KANK1: variants seen among roughly 807,000 people sequenced by gnomAD.
KANK1 encodes KN motif and ankyrin repeat domain-containing protein 1.
KANK1 carries 109 observed loss-of-function variants against 106.2 expected under a neutral mutation model. The ratio of observed to expected loss-of-function variants is 1.03; its 90% CI spans 0.88 to 1.20. The LOEUF (loss-of-function observed/expected upper bound fraction) is 1.20. Ranked by LOEUF, KANK1 falls within the 50% of genes most tolerant of loss-of-function variation. The pLI, the probability that KANK1 is intolerant of heterozygous loss-of-function variation, is 0.00. For missense variants in KANK1, 2,399 were observed against 1,710.7 expected, an observed-to-expected ratio of 1.40 and a Z score of -7.10; for synonymous variants, 873 against 652.2, an observed-to-expected ratio of 1.34 and a Z score of -5.16.
chr9:684,955 G>A lies in KANK1; in HGVS notation c.37+7946G>A, dbSNP rs1189447573. Among the ~76,000 whole-genome samples, 3 of 151,986 alleles carry A rather than the reference G, an allele frequency of 2.0e-5. No homozygotes were observed. The East Asian group carries it at 5.8e-4, about 29-fold the overall frequency. On this transcript the variant is annotated intron_variant, in intron 2 of 11. Transcript: ENST00000382297. ...TAGACTTCTCTAATAAAACCTTTAA[G>A]GAGACCCATCCAGGAAATCAGATTT...
chr9:677,880 A>G (rs1816716082), intron 2 of KANK1, among the ~76,000 whole-genome samples: 1 of 152,206 alleles, frequency 6.6e-6, no homozygotes, highest in Admixed American at 6.5e-5. Context: ...CTAACCGTGA[A>G]ATATTGGGCA....
At chr9:634,004 T>C (rs1265381880) in intron 1 of KANK1, among the ~76,000 whole-genome samples, 3 of 152,196 alleles carry the variant, frequency 2.0e-5, no homozygotes, top group African/African-American at 7.2e-5. Flanking sequence ...TTGCCTTACA[T>C]GGTAAGAAAG....
chr9:607,786 T>C (rs1204452859), intron 1 of KANK1, among the ~76,000 whole-genome samples: 3 of 151,670 alleles, frequency 2.0e-5, no homozygotes, highest in Non-Finnish European at 2.9e-5. Flanking sequence ...TAATATGGTG[T>C]GGTAACGATT....
At chr9:597,626 A>G (rs1826544803) in intron 1 of KANK1, among the ~76,000 whole-genome samples, 1 of 151,566 alleles carries the variant, frequency 6.6e-6, no homozygotes, top group Middle Eastern at 3.2e-3. Flanking sequence ...TGATTTGCAC[A>G]TAGTTTTTCT....
intron 2 of KANK1, chr9:706,845 G>C (rs1486371935): frequency 2.0e-6 from 2 of 985,358 alleles, no homozygotes; most frequent in Non-Finnish European, 2.4e-6. Flanking sequence ...CCGAGGGCTG[G>C]GCAGGAGGAC....
intron 2 of KANK1, among the ~76,000 whole-genome samples, chr9:702,179 G>A (rs923314628): frequency 1.3e-5 from 2 of 151,922 alleles, no homozygotes; most frequent in Non-Finnish European, 2.9e-5. Context: ...AGTTGGGAGC[G>A]AGAGGGAGGA....
At chr9:615,419 G>T (rs1054194308) in intron 1 of KANK1, among the ~76,000 whole-genome samples, 10 of 152,006 alleles carry the variant, frequency 6.6e-5, no homozygotes, top group African/African-American at 2.4e-4. Context: ...AGTATCACTG[G>T]GTGGGAGAAA....
At chr9:608,077 C>T (rs1269561251) in intron 1 of KANK1, among the ~76,000 whole-genome samples, 1 of 142,796 alleles carries the variant, frequency 7.0e-6, no homozygotes, top group Non-Finnish European at 1.5e-5. Flanking sequence ...GTCGCCCAGG[C>T]CGGACTGCGG....
chr9:578,410 A>C, intron 1 of KANK1, among the ~76,000 whole-genome samples: 1 of 152,028 alleles, frequency 6.6e-6, no homozygotes, highest in East Asian at 1.9e-4. Context: ...CATTGTTGAC[A>C]TGGACCACAG....
chr9:609,072 C>G lies in KANK1; in HGVS notation c.-83-67818C>G, dbSNP rs888303984. Among the ~76,000 whole-genome samples, 6 of 150,970 alleles carry G rather than the reference C, an allele frequency of 4.0e-5. 1 individual carries two copies. Among genetic ancestry groups the G allele is most frequent in the Admixed American group, 2.0e-4 (3 of 15,170 alleles). On this transcript the variant is annotated intron_variant, in intron 1 of 11. Transcript: ENST00000382297. ...TGAAAATCTTCATGTTCTCAGAACT[C>G]AAAGGGAAGAAGACTTGACCCCTAA...
chr9:690,133 C>CAAAAAAAAAAAAAAA (rs57837964), intron 2 of KANK1, among the ~76,000 whole-genome samples: 1 of 61,660 alleles, frequency 1.6e-5, no homozygotes, highest in Non-Finnish European at 2.7e-5. Flanking sequence ...TCTAAAAATA[C>CAAAAAAAAAAAAAAA]AAAAAAAAAA....
rs1403552470 is a variant in KANK1, at chr9:746,059, C to G, written c.*824C>G. The G allele has an allele frequency of 6.6e-6, 1 of 152,564 alleles. No individual in the cohort carries two copies. The highest frequency in any genetic ancestry group is 2.4e-5 in the African/African-American group (1 of 41,410). 9.5% of individuals were successfully genotyped at this position (152,564 alleles called of 1,614,324 possible). A position where few individuals can be genotyped will look rare whatever the true frequency, so the allele number is the denominator to read the frequency against. ...CTATGTATTTAAATGTTTGAAGTGC[C>G]TTAGACTCTTGCCATATTTTCAAAA... On this transcript the variant is annotated 3_prime_UTR_variant, in exon 12 of 12. Transcript: ENST00000382297.
chr9:731,119 G>A, intron 4 of KANK1, 39 bp from the exon 5 acceptor site: 1 of 1,086,442 alleles, frequency 9.2e-7, no homozygotes, highest in Non-Finnish European at 1.4e-6. Context: ...ACATGTATGG[G>A]TGTGAGTTTT....
intron 1 of KANK1, among the ~76,000 whole-genome samples, chr9:643,509 A>G (rs535809422): frequency 1.3e-5 from 2 of 148,844 alleles, no homozygotes; most frequent in South Asian, 4.2e-4. Flanking sequence ...GATTTTTAAC[A>G]TAAATAAACC....
intron 1 of KANK1, among the ~76,000 whole-genome samples, chr9:590,123 G>C (rs1824476301): frequency 6.6e-6 from 1 of 152,178 alleles, no homozygotes; most frequent in African/African-American, 2.4e-5. Flanking sequence ...CAGCTGTTGG[G>C]CTGTGCTCCT....
intron 1 of KANK1, among the ~76,000 whole-genome samples, chr9:586,640 T>A (rs1207654228): frequency 6.6e-6 from 1 of 151,958 alleles, no homozygotes; most frequent in Non-Finnish European, 1.5e-5. Flanking sequence ...TGATAGACAT[T>A]AAAAAATACA....
At chr9:668,239 G>A (rs1185302774) in intron 1 of KANK1, among the ~76,000 whole-genome samples, 1 of 152,118 alleles carries the variant, frequency 6.6e-6, no homozygotes, top group African/African-American at 2.4e-5. Context: ...GACCTATTTG[G>A]TCTGATGTGT....
chr9:628,418 C>A (rs1287726202), intron 1 of KANK1, among the ~76,000 whole-genome samples: 1 of 152,172 alleles, frequency 6.6e-6, no homozygotes, highest in African/African-American at 2.4e-5. Context: ...GGGGGGGTTC[C>A]TGTATTTATA....
At chr9:702,995 T>G (rs926503317) in intron 2 of KANK1, among the ~76,000 whole-genome samples, 2 of 152,068 alleles carry the variant, frequency 1.3e-5, no homozygotes, top group Non-Finnish European at 2.9e-5. Context: ...GGGTTGTTGT[T>G]TTTTGGGGTT....
Sources: gnomAD v4.1 joint callset for allele counts (sites outside exome capture counted in the v4.1 genomes callset) on GRCh38, gnomAD v4.1.1 for gene constraint, MANE v1.5 for transcripts, NCBI Gene and HGNC (gene_info 2026-07-23, HGNC 2026-07-21) for gene names.